The following DDX10 variants were observed in gnomAD, a reference collection of about 807,000 sequenced individuals.
The protein encoded by DDX10 is probable ATP-dependent RNA helicase DDX10.
DDX10 carries 74 observed loss-of-function variants against 104.3 expected under a neutral mutation model. That is an observed-to-expected ratio of 0.71 (90% confidence interval 0.59 to 0.86). DDX10 has a LOEUF of 0.86. Ranked by LOEUF, DDX10 falls within the 40% of genes least tolerant of loss-of-function variation. The probability of loss-of-function intolerance (pLI) is 0.00; values close to 1 mark genes in which losing one functional copy is unlikely to be tolerated. For synonymous variants in DDX10, 351 were observed against 353.4 expected (o/e 0.99, Z 0.08); for missense variants, 952 against 1,040.0 (o/e 0.92, Z 1.16).
rs893363044 is a variant in DDX10 at position 108,940,101 on chromosome 11, T to C, written c.2451-145T>C. 3 of 866,666 alleles carry C rather than the reference T, an allele frequency of 3.5e-6. No homozygotes were observed. In the African/African-American group the frequency reaches 5.1e-5, roughly 15 times the overall value. 53.7% of individuals were successfully genotyped at this position (866,666 alleles called of 1,614,324 possible). On this transcript the variant is annotated intron_variant, in intron 17 of 17. Coordinates refer to ENST00000322536, the MANE Select transcript of DDX10 (RefSeq NM_004398.4). The stretch of plus-strand genomic sequence containing the variant: ...TAGCTACTGATGGGAAGGTACTTAC[T>C]AATTATACAGATATCTTGATGTTGC...
intron 9 of DDX10, among the ~76,000 whole-genome samples, chr11:108,699,512 A>G (rs1309273869): frequency 6.6e-6 from 1 of 152,084 alleles, no homozygotes; most frequent in Non-Finnish European, 1.5e-5. Context: ...GTTCCTTTTC[A>G]TCTGGTCTTC....
intron 13 of DDX10, among the ~76,000 whole-genome samples, chr11:108,815,174 T>C (rs1862238306): frequency 6.6e-6 from 1 of 152,116 alleles, no homozygotes; most frequent in Non-Finnish European, 1.5e-5. Flanking sequence ...GATGTAACAT[T>C]ACCTTTTGGT....
intron 13 of DDX10, among the ~76,000 whole-genome samples, chr11:108,818,278 A>G (rs887226451): frequency 6.6e-6 from 1 of 152,212 alleles, no homozygotes; most frequent in African/African-American, 2.4e-5. Context: ...GCTCATTCCA[A>G]AGCAGGTTGA....
chr11:108,859,780 T>G (rs993544875), intron 16 of DDX10, among the ~76,000 whole-genome samples: 1 of 152,230 alleles, frequency 6.6e-6, no homozygotes, highest in African/African-American at 2.4e-5. Context: ...CATGCTCTAC[T>G]TTGTAGAGAA....
chr11:108,899,303 A>G (rs777277218), intron 16 of DDX10, among the ~76,000 whole-genome samples: 2 of 151,412 alleles, frequency 1.3e-5, no homozygotes, highest in Non-Finnish European at 2.9e-5. Context: ...TCTTAACATT[A>G]TAATCCTGGG....
chr11:108,670,083 G>A (rs1045450266), intron 1 of DDX10, among the ~76,000 whole-genome samples: 2 of 152,214 alleles, frequency 1.3e-5, no homozygotes, highest in African/African-American at 4.8e-5. Flanking sequence ...TTTATACAGA[G>A]GCCATGCTCA....
At chr11:108,917,633 G>A (rs1863768471) in intron 16 of DDX10, among the ~76,000 whole-genome samples, 1 of 152,052 alleles carries the variant, frequency 6.6e-6, no homozygotes, top group African/African-American at 2.4e-5. Flanking sequence ...CTCCTGTATT[G>A]TGTTTAAAGG....
At chr11:108,678,661 G>A (rs1045275822) in intron 5 of DDX10, among the ~76,000 whole-genome samples, 1 of 152,096 alleles carries the variant, frequency 6.6e-6, no homozygotes, top group African/African-American at 2.4e-5. Context: ...AATTAGGCAC[G>A]TTAGTATTAG....
rs1555035232 is a variant in DDX10, at chr11:108,869,205, T to TTTTTG, written c.2304+16999_2304+17000insTGTTT. Among the ~76,000 whole-genome samples the TTTTTG allele has an allele frequency of 4.0e-5, 6 of 151,610 alleles. No homozygotes were observed. The East Asian group carries it at 9.7e-4, about 24-fold the overall frequency. ...TCATTTTTAAACCCGTTGTTTTTTT[T>TTTTTG]TTTGTTTGTTTGTTTGTTTTAGTTA... is the stretch of plus-strand genomic sequence containing the variant. On this transcript the variant is annotated intron_variant, in intron 16 of 17. Coordinates refer to ENST00000322536, the MANE Select transcript of DDX10 (RefSeq NM_004398.4).
At chr11:108,865,541 C>T (rs1270855199) in intron 16 of DDX10, among the ~76,000 whole-genome samples, 2 of 151,942 alleles carry the variant, frequency 1.3e-5, no homozygotes, top group Non-Finnish European at 2.9e-5. Context: ...TTTTGGAAGG[C>T]GTCAGATTTG....
intron 16 of DDX10, among the ~76,000 whole-genome samples, chr11:108,899,716 G>A (rs1863490234): frequency 6.6e-6 from 1 of 152,102 alleles, no homozygotes; most frequent in African/African-American, 2.4e-5. Flanking sequence ...TGTTGGAGGT[G>A]GGGGCAGATG....
intron 16 of DDX10, among the ~76,000 whole-genome samples, chr11:108,911,910 A>G (rs912999377): frequency 9.9e-5 from 15 of 152,142 alleles, no homozygotes; most frequent in African/African-American, 3.4e-4. Flanking sequence ...AGACCGTAGC[A>G]TGTTTTTGTA....
At chr11:108,859,616 T>C (rs556505712) in intron 16 of DDX10, among the ~76,000 whole-genome samples, 1 of 152,338 alleles carries the variant, frequency 6.6e-6, no homozygotes, top group South Asian at 2.1e-4. Context: ...TACTTCATCA[T>C]GGTTGATTCA....
intron 17 of DDX10, among the ~76,000 whole-genome samples, chr11:108,931,899 A>G (rs1863980197): frequency 6.6e-6 from 1 of 150,846 alleles, no homozygotes. Context: ...TACCAGTCAA[A>G]TAACCCTCTA....
intron 13 of DDX10, among the ~76,000 whole-genome samples, chr11:108,813,936 A>AT (rs1862221189): frequency 6.6e-6 from 1 of 152,182 alleles, no homozygotes; most frequent in Non-Finnish European, 1.5e-5. Context: ...ATGTTTAAAT[A>AT]TATTAGAGTG....
At chr11:108,691,452 AT>A (rs1377610956) in intron 7 of DDX10, among the ~76,000 whole-genome samples, 1 of 152,202 alleles carries the variant, frequency 6.6e-6, no homozygotes, top group African/African-American at 2.4e-5. Context: ...CAATGTTTTT[AT>A]TTATGTCTAA....
chr11:108,879,708 A>G lies in DDX10; in HGVS notation c.2304+27499A>G, dbSNP rs150771751. 5.9e-3 allele frequency among the ~76,000 whole-genome samples: 891 copies of G among 152,284 alleles called. 4 individuals are homozygous for G. The highest frequency in any genetic ancestry group is 9.6e-3 in the Non-Finnish European group (655 of 68,016). On this transcript the variant is annotated intron_variant, in intron 16 of 17. Transcript: ENST00000322536. ...ATCTGATGACTCTCACCAGCTCTGG[A>G]TGGGTGACATTAGAAATAGAATAAG...
At chr11:108,789,363 T>C (rs1434682986) in intron 13 of DDX10, among the ~76,000 whole-genome samples, 4 of 152,230 alleles carry the variant, frequency 2.6e-5, no homozygotes, top group African/African-American at 7.2e-5. Context: ...TATTTCAGAC[T>C]AATCTATCTA....
chr11:108,808,941 TTGTC>T (rs1257302740), intron 13 of DDX10, among the ~76,000 whole-genome samples: 5 of 152,312 alleles, frequency 3.3e-5, no homozygotes, highest in South Asian at 2.1e-4. Context: ...ATTTAGAAGT[TTGTC>T]TGTAGTATTG....
Sources: allele counts gnomAD v4.1 joint callset (sites outside exome capture counted in the v4.1 genomes callset), GRCh38; gene constraint gnomAD v4.1.1; transcripts MANE v1.5; gene names NCBI Gene and HGNC (gene_info 2026-07-23, HGNC 2026-07-21).